Variants in MSH4 observed in about 807,000 individuals in gnomAD.
MSH4 encodes mutS protein homolog 4.
MSH4 carries 106 observed loss-of-function variants against 113.7 expected under a neutral mutation model. The ratio of observed to expected loss-of-function variants is 0.93; its 90% CI spans 0.80 to 1.10. MSH4 has a LOEUF of 1.10. Ranked by LOEUF, MSH4 falls within the 50% of genes least tolerant of loss-of-function variation. The pLI is 0.00. For missense variants in MSH4, 1,061 were observed against 1,093.7 expected (o/e 0.97, Z 0.42); for synonymous variants, 368 against 380.2 (o/e 0.97, Z 0.37).
chr1:75,891,480 G>T (rs917510289), intron 17 of MSH4, among the ~76,000 whole-genome samples: 2 of 151,946 alleles, frequency 1.3e-5, no homozygotes, highest in Non-Finnish European at 2.9e-5. Context: ...TTGAGACAGG[G>T]TCTCACTCTG....
intron 14 of MSH4, 94 bp downstream of exon 14, chr1:75,881,464 T>C: frequency 1.5e-6 from 2 of 1,307,734 alleles, no homozygotes; most frequent in East Asian, 5.0e-5. Context: ...TTAAAATTTT[T>C]AACTTGAAAT....
chr1:75,812,478 G>C (rs1302048846), intron 4 of MSH4, among the ~76,000 whole-genome samples: 1 of 152,148 alleles, frequency 6.6e-6, no homozygotes, highest in Non-Finnish European at 1.5e-5. Context: ...TGGATCACAA[G>C]GTCAGGAGAT....
intron 11 of MSH4, 40 bp from the exon 12 acceptor site, chr1:75,878,952 A>G (rs758288331): frequency 2.9e-5 from 45 of 1,554,250 alleles, no homozygotes; most frequent in Non-Finnish European, 4.0e-5. Flanking sequence ...AAATTTATTC[A>G]TTTTGTTTTG....
chr1:75,797,858 A>T (rs930232071), intron 1 of MSH4, among the ~76,000 whole-genome samples: 1 of 152,130 alleles, frequency 6.6e-6, no homozygotes, highest in Non-Finnish European at 1.5e-5. Flanking sequence ...AGGTGGGAGG[A>T]TGGCGAGTCC....
At chr1:75,840,679 T>A (rs1295796482) in intron 7 of MSH4, among the ~76,000 whole-genome samples, 1 of 137,524 alleles carries the variant, frequency 7.3e-6, no homozygotes, top group Non-Finnish European at 1.6e-5. Context: ...AATAATAAAA[T>A]AAAAAATAAA....
intron 7 of MSH4, among the ~76,000 whole-genome samples, chr1:75,830,920 A>T (rs1650671887): frequency 6.6e-6 from 1 of 152,210 alleles, no homozygotes; most frequent in African/African-American, 2.4e-5. Flanking sequence ...TAATGACAGG[A>T]TCAAATTCAC....
intron 13 of MSH4, among the ~76,000 whole-genome samples, 183 bp from the exon 14 acceptor site, chr1:75,881,063 G>A (rs1651921229): frequency 6.6e-6 from 1 of 151,904 alleles, no homozygotes; most frequent in South Asian, 2.1e-4. Flanking sequence ...GTGATCTTGA[G>A]CAAAAACTTC....
chr1:75,910,388 G>A (rs1390728843), intron 19 of MSH4, among the ~76,000 whole-genome samples: 2 of 151,458 alleles, frequency 1.3e-5, no homozygotes, highest in East Asian at 3.9e-4. Flanking sequence ...TCTCCTACCT[G>A]TTTGATTATT....
At chr1:75,853,257 G>A (rs1024123010) in intron 8 of MSH4, among the ~76,000 whole-genome samples, 3 of 152,050 alleles carry the variant, frequency 2.0e-5, no homozygotes, top group Admixed American at 6.5e-5. Flanking sequence ...TAGAAACGGG[G>A]TTTCACCATG....
chr1:75,821,657 G>C (rs1650414595), intron 6 of MSH4, among the ~76,000 whole-genome samples: 1 of 152,166 alleles, frequency 6.6e-6, no homozygotes, highest in African/African-American at 2.4e-5. Context: ...TCTCCACACT[G>C]GAATACAGTG....
intron 16 of MSH4, among the ~76,000 whole-genome samples, chr1:75,890,236 C>G (rs1007840835): frequency 4.6e-5 from 7 of 151,984 alleles, no homozygotes; most frequent in Non-Finnish European, 8.8e-5. Flanking sequence ...AACCAAGAAT[C>G]AAGACTTAGG....
At chr1:75,892,377 A>C (rs942727882) in intron 17 of MSH4, among the ~76,000 whole-genome samples, 1 of 148,344 alleles carries the variant, frequency 6.7e-6, no homozygotes, top group Non-Finnish European at 1.5e-5. Flanking sequence ...ACACATACAC[A>C]CTCTCTCTCT....
intron 8 of MSH4, among the ~76,000 whole-genome samples, chr1:75,860,770 G>T (rs1055860787): frequency 1.3e-5 from 2 of 152,106 alleles, no homozygotes; most frequent in Non-Finnish European, 2.9e-5. Flanking sequence ...GAGTATCTTT[G>T]TGATGTTCTC....
At chr1:75,818,074 T>C (rs980042414) in intron 6 of MSH4, among the ~76,000 whole-genome samples, 2 of 152,176 alleles carry the variant, frequency 1.3e-5, no homozygotes, top group Non-Finnish European at 1.5e-5. Flanking sequence ...ATCTTTAGCA[T>C]AGACTACTAT....
Position 75,816,489 on chromosome 1 carries a change from T to A in MSH4, c.932T>A (p.Met311Lys). The change falls in exon 6 of 20, where the codon ATG becomes AAG. Residue 311 changes from methionine to lysine, a missense_variant. Met to Lys is a moderately conservative substitution (Grantham distance 95). Coordinates refer to ENST00000263187, the MANE Select transcript of MSH4 (RefSeq NM_002440.4). ...TTCCAGGGTAGTGAACAGACAGCCA[T>A]GATAGATTCATCATCAGCCCAAAAC... Reference protein sequence around the residue: ...ICFQGSEQTAMIDSSSAQNLE... With the variant: ...ICFQGSEQTAKIDSSSAQNLE... 6.2e-7 allele frequency: 1 copy of A among 1,607,452 alleles called. No homozygotes were observed. The highest frequency in any genetic ancestry group is 8.5e-7 in the Non-Finnish European group (1 of 1,175,934).
At position 75,912,171 on chromosome 1, in the gene MSH4, T is replaced by C. The variant is rs1261031282; in HGVS notation, c.2620-525T>C. On this transcript the variant is annotated intron_variant, in intron 19 of 19. Transcript: ENST00000263187. ...CTCTTAGGCTCCAGCAGTTTCTATA[T>C]ATGTACTCTCTTTAGGGGCAAGCAA... Among the ~76,000 whole-genome samples, 3 of 152,160 alleles carry C rather than the reference T, an allele frequency of 2.0e-5. No individual in the cohort carries two copies. In the East Asian group the frequency reaches 5.8e-4, roughly 29 times the overall value.
At chr1:75,834,586 A>G (rs191352464) in intron 7 of MSH4, among the ~76,000 whole-genome samples, 2 of 152,354 alleles carry the variant, frequency 1.3e-5, no homozygotes, top group East Asian at 1.9e-4. Flanking sequence ...TACACCATGG[A>G]CTACTATGCA....
intron 7 of MSH4, among the ~76,000 whole-genome samples, chr1:75,837,482 G>T (rs185004225): frequency 2.7e-4 from 40 of 147,906 alleles, no homozygotes; most frequent in African/African-American, 9.4e-4. Flanking sequence ...TGCCTCCCAG[G>T]TTCAAGTGAT....
At chr1:75,859,231 T>C (rs558531179) in intron 8 of MSH4, among the ~76,000 whole-genome samples, 215 of 152,330 alleles carry the variant, frequency 1.4e-3, no homozygotes, top group African/African-American at 4.9e-3. Flanking sequence ...ATTCATTCAT[T>C]TTTTGAAGGG....
Sources: gnomAD v4.1 joint callset for allele counts (sites outside exome capture counted in the v4.1 genomes callset) on GRCh38, gnomAD v4.1.1 for gene constraint, MANE v1.5 for transcripts, NCBI Gene and HGNC (gene_info 2026-07-23, HGNC 2026-07-21) for gene names.